PYGB: variants seen among roughly 807,000 people sequenced by gnomAD.
PYGB encodes the protein glycogen phosphorylase B.
Under a neutral mutation model 94.3 loss-of-function variants are expected in PYGB, and 82 were observed. The observed-to-expected ratio is 0.87, with a 90% CI of 0.73 to 1.04. The LOEUF is 1.04. Among genes scored for constraint, PYGB ranks in the 50% least tolerant of loss-of-function variants. PYGB has a pLI of 0.00. For missense variants in PYGB, 1,132 were observed against 1,158.2 expected, an observed-to-expected ratio of 0.98 and a Z score of 0.33; for synonymous variants, 488 against 479.1, an observed-to-expected ratio of 1.02 and a Z score of -0.24.
intron 4 of PYGB, among the ~76,000 whole-genome samples, chr20:25,272,070 G>A (rs1000575252): frequency 4.9e-4 from 74 of 152,280 alleles, no homozygotes; most frequent in African/African-American, 1.7e-3. Flanking sequence ...TTGAGACCAT[G>A]GCCGGGAGGA....
intron 18 of PYGB, chr20:25,295,033 G>A (rs745651461): frequency 6.2e-7 from 1 of 1,614,208 alleles, no homozygotes; most frequent in Non-Finnish European, 8.5e-7. Flanking sequence ...GCTGAGGTCT[G>A]TGATAAAGGA....
chr20:25,273,389 G>A (rs977022126), intron 4 of PYGB, among the ~76,000 whole-genome samples: 11 of 152,126 alleles, frequency 7.2e-5, no homozygotes, highest in Admixed American at 1.3e-4. Flanking sequence ...AGGGGCCTCC[G>A]GAAGAGCACA....
At chr20:25,269,747 C>T (rs2088249637) in intron 3 of PYGB, among the ~76,000 whole-genome samples, 1 of 152,222 alleles carries the variant, frequency 6.6e-6, no homozygotes, top group African/African-American at 2.4e-5. Flanking sequence ...GCTCCAGCCT[C>T]TTTTGTCCCC....
intron 3 of PYGB, 32 bp downstream of exon 3, chr20:25,269,239 G>A (rs200578248): frequency 3.1e-5 from 47 of 1,515,566 alleles, no homozygotes; most frequent in African/African-American, 4.2e-5. Flanking sequence ...GAGCTCTCTC[G>A]GACCCGTTGG....
intron 14 of PYGB, 128 bp downstream of exon 14, chr20:25,284,379 G>C: frequency 4.0e-6 from 5 of 1,248,876 alleles, no homozygotes; most frequent in Non-Finnish European, 5.4e-6. Context: ...GTGCATGTGT[G>C]ATGTGGCACG....
intron 10 of PYGB, 54 bp from the exon 11 acceptor site, chr20:25,280,895 G>A: frequency 6.3e-7 from 1 of 1,585,036 alleles, no homozygotes; most frequent in Non-Finnish European, 8.6e-7. Context: ...GGGAGTGCTG[G>A]GTCTCCGTGG....
Position 25,278,377 on chromosome 20 carries a change from T to C in PYGB, c.914T>C (p.Leu305Pro), listed in dbSNP as rs772433213. The C allele has an allele frequency of 1.4e-5, 23 of 1,602,474 alleles. No individual in the cohort carries two copies. The highest frequency in any genetic ancestry group is 1.9e-5 in the Non-Finnish European group (22 of 1,176,418). Residue 305 changes from leucine to proline, a missense_variant, in exon 8 of 20, where the codon CTC (leucine) becomes CCC (proline). Coordinates refer to ENST00000216962, the MANE Select transcript of PYGB (RefSeq NM_002862.4). ...KQEYFVVAAT[L>P]QDIIRRFKSS... ...GAGTACTTCGTGGTGGCCGCCACGC[T>C]CCAGGACATCATCCGCCGCTTCAAG... is the stretch of plus-strand genomic sequence containing the variant.
At chr20:25,263,557 G>A (rs1298840931) in intron 2 of PYGB, among the ~76,000 whole-genome samples, 1 of 152,160 alleles carries the variant, frequency 6.6e-6, no homozygotes, top group Non-Finnish European at 1.5e-5. Flanking sequence ...GAGGAAAAGA[G>A]AGAAGAATCA....
intron 1 of PYGB, among the ~76,000 whole-genome samples, chr20:25,250,557 C>A (rs1177760871): frequency 6.6e-6 from 1 of 152,154 alleles, no homozygotes; most frequent in Non-Finnish European, 1.5e-5. Flanking sequence ...CTGCTTCTTT[C>A]GCTAATTCAT....
chr20:25,293,947 T>C, intron 17 of PYGB: 1 of 607,034 alleles, frequency 1.6e-6, no homozygotes, highest in Non-Finnish European at 2.9e-6. Flanking sequence ...TGGGATTGGC[T>C]TTAGACTGAC....
chr20:25,263,732 A>G (rs559788396), intron 2 of PYGB, among the ~76,000 whole-genome samples: 1 of 152,358 alleles, frequency 6.6e-6, no homozygotes, highest in South Asian at 2.1e-4. Context: ...CTAAACCAGG[A>G]AGAAGTTGAA....
At chr20:25,280,807 C>G in intron 10 of PYGB, 142 bp from the exon 11 acceptor site, 1 of 1,104,704 alleles carries the variant, frequency 9.1e-7, no homozygotes, top group Non-Finnish European at 1.3e-6. Flanking sequence ...TGAGGGAGGT[C>G]TGGCTGTCAC....
rs1423842168 is a variant in PYGB, at chr20:25,296,576, A to G, written c.*54A>G. The G allele has an allele frequency of 6.4e-7, 1 of 1,561,186 alleles. No homozygotes were observed. The highest frequency in any genetic ancestry group is 2.3e-5 in the East Asian group (1 of 44,322). On this transcript the variant is annotated 3_prime_UTR_variant, in exon 20 of 20. Coordinates refer to ENST00000216962, the MANE Select transcript of PYGB (RefSeq NM_002862.4). Reference sequence around the variant, plus strand: ...GCATTTGTTTTCTTGCTGACTTTGCACCTCCTTTTTTCCCCAAACACTTTG... The same window carrying G: ...GCATTTGTTTTCTTGCTGACTTTGCGCCTCCTTTTTTCCCCAAACACTTTG...
intron 12 of PYGB, among the ~76,000 whole-genome samples, chr20:25,282,430 G>C (rs993777042): frequency 2.0e-4 from 30 of 152,266 alleles, no homozygotes; most frequent in Admixed American, 1.2e-3. Context: ...AAAGAGTCAA[G>C]AGGCAGCTGA....
Position 25,292,495 on chromosome 20 carries a change from G to A in PYGB, c.2059G>A (p.Ala687Thr), listed in dbSNP as rs374705677. ...CAACATGAAGTTCATGCTCAACGGG[G>A]CCCTCACCATCGGCACCATGGACGG... ...TGNMKFMLNG[A>T]LTIGTMDGAN... Residue 687 changes from alanine to threonine, a missense_variant, in exon 17 of 20, where the codon GCC becomes ACC. Physicochemically the swap from Ala to Thr is moderately conservative, Grantham distance 58 (BLOSUM62 0). Coordinates refer to ENST00000216962, the MANE Select transcript of PYGB (RefSeq NM_002862.4). 6.2e-7 allele frequency: 1 copy of A among 1,613,684 alleles called. No homozygotes were observed. The highest frequency in any genetic ancestry group is 8.5e-7 in the Non-Finnish European group (1 of 1,180,032).
chr20:25,263,368 A>G (rs1458692950), intron 2 of PYGB, among the ~76,000 whole-genome samples: 5 of 152,132 alleles, frequency 3.3e-5, no homozygotes, highest in Admixed American at 6.5e-5. Context: ...GAATAATCAC[A>G]AAAGAACTAG....
intron 2 of PYGB, among the ~76,000 whole-genome samples, chr20:25,262,879 T>A (rs2092916770): frequency 1.3e-5 from 2 of 152,000 alleles, no homozygotes; most frequent in Admixed American, 1.3e-4. Context: ...AGGCCATTAC[T>A]TAATGGTAAA....
intron 18 of PYGB, 74 bp from the exon 19 acceptor site, chr20:25,295,530 T>C: frequency 6.6e-7 from 1 of 1,509,728 alleles, no homozygotes; most frequent in Non-Finnish European, 9.2e-7. Context: ...CCTCCTGCCC[T>C]GGGACTCTCC....
intron 3 of PYGB, among the ~76,000 whole-genome samples, chr20:25,270,034 A>G (rs2088251994): frequency 6.6e-6 from 1 of 152,200 alleles, no homozygotes; most frequent in Admixed American, 6.5e-5. Flanking sequence ...TCCCTGCTGC[A>G]GGCGAGTCCC....
Sources: gnomAD v4.1 joint callset for allele counts (sites outside exome capture counted in the v4.1 genomes callset) on GRCh38, gnomAD v4.1.1 for gene constraint, MANE v1.5 for transcripts, NCBI Gene and HGNC (gene_info 2026-07-23, HGNC 2026-07-21) for gene names.